Variants in SHANK2 observed in about 807,000 individuals in gnomAD.
The protein encoded by SHANK2 is SH3 and multiple ankyrin repeat domains protein 2.
Under a neutral mutation model 133.7 loss-of-function variants are expected in SHANK2, and 43 were observed. The observed-to-expected ratio is 0.32, with a 90% CI of 0.25 to 0.41. SHANK2 has a LOEUF of 0.41. Among genes scored for constraint, SHANK2 ranks in the 10% least tolerant of loss-of-function variants. SHANK2 has a pLI of 1.00. For synonymous variants in SHANK2, 1,017 were observed against 952.8 expected (o/e 1.07, Z -1.24); for missense variants, 1,994 against 2,235.8 (o/e 0.89, Z 2.18).
chr11:70,551,547 C>T (rs1353078195), intron 17 of SHANK2, among the ~76,000 whole-genome samples: 5 of 152,248 alleles, frequency 3.3e-5, no homozygotes, highest in Non-Finnish European at 7.3e-5. Context: ...CTTGCCATGG[C>T]CTGCATTCCA....
intron 17 of SHANK2, among the ~76,000 whole-genome samples, chr11:70,612,361 T>C (rs1554994513): frequency 2.0e-5 from 3 of 152,190 alleles, no homozygotes; most frequent in Non-Finnish European, 4.4e-5. Context: ...GCCATTTACC[T>C]GATAGCAGCT....
intron 17 of SHANK2, among the ~76,000 whole-genome samples, chr11:70,622,690 A>T (rs1554998300): frequency 6.6e-6 from 1 of 152,128 alleles, no homozygotes; most frequent in Non-Finnish European, 1.5e-5. Context: ...ACTATAAATG[A>T]CATCTAAGGA....
intron 17 of SHANK2, among the ~76,000 whole-genome samples, chr11:70,649,123 C>G (rs1177800006): frequency 6.6e-6 from 1 of 152,196 alleles, no homozygotes; most frequent in Admixed American, 6.5e-5. Context: ...GCCATCTCCC[C>G]TTCTCACCCA....
chr11:71,083,661 C>T (rs1951332323), intron 8 of SHANK2, among the ~76,000 whole-genome samples: 1 of 152,106 alleles, frequency 6.6e-6, no homozygotes, highest in South Asian at 2.1e-4. Flanking sequence ...AGGAAGGTAC[C>T]GGGGTTCAGC....
intron 2 of SHANK2, among the ~76,000 whole-genome samples, chr11:71,186,584 G>A (rs1410312339): frequency 6.6e-6 from 1 of 152,210 alleles, no homozygotes; most frequent in Non-Finnish European, 1.5e-5. Context: ...TCCCTCCTGA[G>A]AACACGGACA....
At chr11:70,571,670 G>A (rs1554983113) in intron 17 of SHANK2, among the ~76,000 whole-genome samples, 2 of 152,104 alleles carry the variant, frequency 1.3e-5, no homozygotes, top group African/African-American at 4.8e-5. Flanking sequence ...CCAGGTGTCT[G>A]TGCAGGGAGC....
Position 71,147,198 on chromosome 11 carries a change from C to A in SHANK2, c.129G>T (p.Lys43Asn). 6.4e-7 allele frequency: 1 copy of A among 1,550,806 alleles called. No individual in the cohort carries two copies. Among genetic ancestry groups the A allele is most frequent in the Non-Finnish European group, 8.7e-7 (1 of 1,146,958 alleles). Residue 43 changes from lysine to asparagine, a missense_variant, in exon 3 of 26, where the codon AAG becomes AAT. Physicochemically the swap from Lys to Asn is moderately conservative, Grantham distance 94. Around this residue, in one of 5 missense-constraint regions of SHANK2, gnomAD observed 653 missense variants for 563.4 expected, o/e 1.16. Coordinates refer to ENST00000601538, the MANE Select transcript of SHANK2 (RefSeq NM_012309.5). ...TCTCCTCCGTCCTGGCACCGCCCGGCTTCTCCGCAGTGGCCCGGATCGTGT... is the reference window on the plus strand; with the variant it reads ...TCTCCTCCGTCCTGGCACCGCCCGGATTCTCCGCAGTGGCCCGGATCGTGT... ...IYDTIRATAEKPGGARTEESQ... is the reference protein window; with the variant it reads ...IYDTIRATAENPGGARTEESQ...
At chr11:70,738,154 G>A (rs1425422722) in intron 14 of SHANK2, among the ~76,000 whole-genome samples, 1 of 152,274 alleles carries the variant, frequency 6.6e-6, no homozygotes, top group African/African-American at 2.4e-5. Flanking sequence ...CATCGCACAA[G>A]AGAATCAGCA....
At position 71,221,150 on chromosome 11, in the gene SHANK2, G is replaced by A. The variant is rs185583450; in HGVS notation, c.-13+3547C>T. On this transcript the variant is annotated intron_variant, in intron 2 of 25. Transcript: ENST00000601538. The stretch of plus-strand genomic sequence containing the variant: ...CGGGAGGCGGAGGTTGCAGTGAGCC[G>A]AGATCATGCCACTGCACTCCAGCCT... Among the ~76,000 whole-genome samples, 220 of 149,846 alleles carry A rather than the reference G, an allele frequency of 1.5e-3. 1 individual carries two copies. The highest frequency in any genetic ancestry group is 5.0e-3 in the African/African-American group (205 of 40,636).
At chr11:70,649,119 TC>T (rs1555009343) in intron 17 of SHANK2, among the ~76,000 whole-genome samples, 1 of 152,132 alleles carries the variant, frequency 6.6e-6, no homozygotes, top group African/African-American at 2.4e-5. Context: ...ACGTGCCATC[TC>T]CCCTTCTCAC....
chr11:70,940,235 TTC>T (rs1302405319), intron 10 of SHANK2, among the ~76,000 whole-genome samples: 34 of 45,132 alleles, frequency 7.5e-4, no homozygotes, highest in Admixed American at 1.5e-3. Context: ...CCCTCCCTTC[TTC>T]TCTCTCTCTC....
In SHANK2 at chr11:70,471,619, A is replaced by C; in HGVS notation, c.*1250T>G. On this transcript the variant is annotated 3_prime_UTR_variant, in exon 26 of 26. Coordinates refer to ENST00000601538, the MANE Select transcript of SHANK2 (RefSeq NM_012309.5). This position sits in a 1 kb window ranked among gnomAD's most constrained non-coding sequence, Gnocchi z 4.1. ...GTTCTCAACCCTGGGTTCTGTCTAT[A>C]CTCCATACCCACTGGGTCCTCAAAG... 7.7e-6 allele frequency: 3 copies of C among 388,430 alleles called. No individual in the cohort carries two copies. Among genetic ancestry groups the C allele is most frequent in the Admixed American group, 8.9e-5 (2 of 22,348 alleles). 24.1% of individuals were successfully genotyped at this position (388,430 alleles called of 1,614,324 possible).
chr11:70,628,641 C>A (rs969813589), intron 17 of SHANK2, among the ~76,000 whole-genome samples: 1 of 152,224 alleles, frequency 6.6e-6, no homozygotes, highest in Non-Finnish European at 1.5e-5. Context: ...ACTCCACACC[C>A]AGCATCATGA....
At chr11:71,073,147 CTTTTT>C (rs1156355131) in intron 9 of SHANK2, among the ~76,000 whole-genome samples, 21 of 62,758 alleles carry the variant, frequency 3.3e-4, no homozygotes, top group Middle Eastern at 0.011. Flanking sequence ...TTTTTCTTTT[CTTTTT>C]TTTCTTTTTT....
At chr11:71,210,233 TATATATATATATA>T (rs1954235284) in intron 2 of SHANK2, among the ~76,000 whole-genome samples, 1 of 72,174 alleles carries the variant, frequency 1.4e-5, no homozygotes, top group Admixed American at 1.5e-4. Flanking sequence ...TATATATATA[TATATATATATATA>T]TATATATTTA....
At chr11:70,784,572 G>T (rs943813348) in intron 14 of SHANK2, among the ~76,000 whole-genome samples, 10 of 151,860 alleles carry the variant, frequency 6.6e-5, no homozygotes, top group African/African-American at 2.4e-4. Context: ...CTCCCAAAGT[G>T]CTGGGATTAC....
chr11:70,618,406 A>T (rs568326916), intron 17 of SHANK2, among the ~76,000 whole-genome samples: 2 of 152,314 alleles, frequency 1.3e-5, no homozygotes, highest in East Asian at 1.9e-4. Flanking sequence ...ACAAAAGGAC[A>T]AAAGTCTCCA....
At chr11:71,201,955 G>C (rs1222894945) in intron 2 of SHANK2, among the ~76,000 whole-genome samples, 1 of 152,224 alleles carries the variant, frequency 6.6e-6, no homozygotes, top group African/African-American at 2.4e-5. Flanking sequence ...AAATGGATTA[G>C]GGTCCCCTGT....
At chr11:70,563,215 A>G (rs2059929560) in intron 17 of SHANK2, among the ~76,000 whole-genome samples, 1 of 152,080 alleles carries the variant, frequency 6.6e-6, no homozygotes, top group African/African-American at 2.4e-5. Context: ...CTGTCACCTT[A>G]TCAGCTATTA....
Sources: gnomAD v4.1 joint callset for allele counts (sites outside exome capture counted in the v4.1 genomes callset) on GRCh38, gnomAD v4.1.1 for gene constraint, gnomAD v4.1.1 regional missense constraint, Gnocchi (gnomAD v3.1) non-coding constraint, MANE v1.5 for transcripts, NCBI Gene and HGNC (gene_info 2026-07-23, HGNC 2026-07-21) for gene names.